RIMBP2: variants seen among roughly 807,000 people sequenced by gnomAD.
The protein encoded by RIMBP2 is RIMS binding protein 2, also known as RIMS-binding protein 2.
RIMBP2 carries 48 observed loss-of-function variants against 118.6 expected under a neutral mutation model. That is an observed-to-expected ratio of 0.40 (90% CI 0.32 to 0.51). The LOEUF (loss-of-function observed/expected upper bound fraction) is 0.51, where lower values mean the gene tolerates loss of function less well. Among genes scored for constraint, RIMBP2 ranks in the 20% least tolerant of loss-of-function variants. RIMBP2 has a pLI of 0.41. For synonymous variants in RIMBP2, 762 were observed against 742.9 expected (o/e 1.03, Z -0.42); for missense variants, 1,551 against 1,768.3 (o/e 0.88, Z 2.20).
chr12:130,526,027 G>A (rs192076565), intron 2 of RIMBP2, among the ~76,000 whole-genome samples: 1 of 152,174 alleles, frequency 6.6e-6, no homozygotes, highest in East Asian at 1.9e-4. Context: ...TCCTGAGGAA[G>A]AGCATCATCC....
chr12:130,463,599 G>A (rs1015061165), intron 6 of RIMBP2, among the ~76,000 whole-genome samples: 2 of 152,110 alleles, frequency 1.3e-5, no homozygotes, highest in African/African-American at 2.4e-5. Context: ...CAAACGGGGT[G>A]GTTCTGAGAG....
Position 130,649,603 on chromosome 12 carries a change from G to T in RIMBP2, c.-351-21147C>A, listed in dbSNP as rs978238394. Among the ~76,000 whole-genome samples the T allele has an allele frequency of 4.5e-4, 69 of 152,202 alleles. 1 individual carries two copies. The highest frequency in any genetic ancestry group is 4.5e-3 in the Admixed American group (69 of 15,290). On this transcript the variant is annotated intron_variant, in intron 1 of 22. Coordinates refer to ENST00000690449, the MANE Select transcript of RIMBP2 (RefSeq NM_001393629.1). The stretch of plus-strand genomic sequence containing the variant: ...CGGCTAGCAGACTCTTCCTTGGAGA[G>T]ACAGCGCGGGCCACATAGGAGACCC...
chr12:130,599,190 A>G (rs1288059303), intron 2 of RIMBP2, among the ~76,000 whole-genome samples: 1 of 152,196 alleles, frequency 6.6e-6, no homozygotes, highest in Admixed American at 6.5e-5. Context: ...TAGATCATCA[A>G]TTTGTGACTT....
At chr12:130,706,889 G>A (rs955134517) in intron 1 of RIMBP2, among the ~76,000 whole-genome samples, 2 of 152,196 alleles carry the variant, frequency 1.3e-5, no homozygotes, top group African/African-American at 4.8e-5. Flanking sequence ...CAGATTGATG[G>A]AGAATGGGCA....
At chr12:130,684,685 T>C (rs760215432) in intron 1 of RIMBP2, among the ~76,000 whole-genome samples, 1 of 152,244 alleles carries the variant, frequency 6.6e-6, no homozygotes, top group Non-Finnish European at 1.5e-5. Context: ...GCTTTAAAGA[T>C]AATAATATCG....
chr12:130,397,618 G>A lies in RIMBP2; in HGVS notation c.3901-69C>T, dbSNP rs1198741315. ...ACAACAGAATTCACTTGGTAACATC[G>A]TACTGTCCCCGTTTCCCACCAGGAA... On this transcript the variant is annotated intron_variant, in intron 22 of 22. Coordinates refer to ENST00000690449, the MANE Select transcript of RIMBP2 (RefSeq NM_001393629.1). 3.3e-5 allele frequency: 13 copies of A among 397,878 alleles called. No homozygotes were observed. In the East Asian group the frequency reaches 3.9e-4, roughly 12 times the overall value. 24.6% of individuals were successfully genotyped at this position (397,878 alleles called of 1,614,324 possible).
At chr12:130,675,106 G>T (rs993072299) in intron 1 of RIMBP2, among the ~76,000 whole-genome samples, 5 of 152,176 alleles carry the variant, frequency 3.3e-5, no homozygotes, top group Non-Finnish European at 7.3e-5. Flanking sequence ...CTACAAAAGG[G>T]CACAGCCGGG....
At chr12:130,585,614 CAA>C (rs60707391) in intron 2 of RIMBP2, among the ~76,000 whole-genome samples, 365 of 122,922 alleles carry the variant, frequency 3.0e-3, no homozygotes, top group Middle Eastern at 8.5e-3. Flanking sequence ...GACCCTGTCT[CAA>C]AAAAAAAAAA....
rs1047001579 is a variant in RIMBP2, at chr12:130,622,735, T to C, written c.-217+5587A>G. Among the ~76,000 whole-genome samples, 1 of 152,208 alleles carries C rather than the reference T, an allele frequency of 6.6e-6. No homozygotes were observed. The highest frequency in any genetic ancestry group is 1.5e-5 in the Non-Finnish European group (1 of 68,042). On this transcript the variant is annotated intron_variant, in intron 2 of 22. Coordinates refer to ENST00000690449, the MANE Select transcript of RIMBP2 (RefSeq NM_001393629.1). This position sits in a 1 kb window ranked among gnomAD's most constrained non-coding sequence, Gnocchi z 8.5. ...GTCTATTTTATTGCCTGTACAACAC[T>C]CTTGGAAATATTGGGCTAGTTGGCA... is the stretch of plus-strand genomic sequence containing the variant.
chr12:130,439,515 A>ATGTGTGGGTG (rs1199536411), intron 11 of RIMBP2, among the ~76,000 whole-genome samples: 2 of 82,332 alleles, frequency 2.4e-5, no homozygotes, highest in Admixed American at 2.6e-4. Flanking sequence ...GTGGGTGGGT[A>ATGTGTGGGTG]TGTGTGGGTG....
chr12:130,692,231 T>A (rs1310627599), intron 1 of RIMBP2, among the ~76,000 whole-genome samples: 2 of 152,100 alleles, frequency 1.3e-5, no homozygotes, highest in Non-Finnish European at 2.9e-5. Flanking sequence ...CCCCCTGAGA[T>A]GGCACCTTCA....
In RIMBP2 at chr12:130,648,028, C is replaced by T. The variant is rs1566425209; in HGVS notation, c.-351-19572G>A. Among the ~76,000 whole-genome samples the T allele has an allele frequency of 3.4e-5, 5 of 145,602 alleles. 1 individual carries two copies. Among genetic ancestry groups the T allele is most frequent in the Admixed American group, 2.7e-4 (4 of 14,610 alleles). ...ACGTGTGCACACACATGTGAACACACGTGTGTACACACCCGCCTCACGTGG... is the reference window on the plus strand; with the variant it reads ...ACGTGTGCACACACATGTGAACACATGTGTGTACACACCCGCCTCACGTGG... On this transcript the variant is annotated intron_variant, in intron 1 of 22. Coordinates refer to ENST00000690449, the MANE Select transcript of RIMBP2 (RefSeq NM_001393629.1).
At chr12:130,569,283 G>A (rs2140025237) in intron 2 of RIMBP2, among the ~76,000 whole-genome samples, 1 of 152,288 alleles carries the variant, frequency 6.6e-6, no homozygotes, top group East Asian at 1.9e-4. Context: ...GAAACATCAG[G>A]AGGCAGCTTC....
chr12:130,448,575 C>G (rs2078735014), intron 9 of RIMBP2, among the ~76,000 whole-genome samples: 1 of 152,260 alleles, frequency 6.6e-6, no homozygotes, highest in South Asian at 2.1e-4. Context: ...CCTGGGCCTG[C>G]TCCACACACA....
At chr12:130,441,582 C>A (rs1055564499) in intron 11 of RIMBP2, among the ~76,000 whole-genome samples, 2 of 152,144 alleles carry the variant, frequency 1.3e-5, no homozygotes, top group African/African-American at 2.4e-5. Flanking sequence ...GGGGGACTCA[C>A]TTCCCTCCTG....
chr12:130,432,299 C>T (rs1434990435), intron 14 of RIMBP2: 1 of 456,554 alleles, frequency 2.2e-6, no homozygotes, highest in Non-Finnish European at 4.4e-6. Context: ...CAAAAATTCT[C>T]AATTCTGTGG....
chr12:130,479,265 G>A (rs1192135361), intron 4 of RIMBP2, among the ~76,000 whole-genome samples: 1 of 152,220 alleles, frequency 6.6e-6, no homozygotes, highest in Non-Finnish European at 1.5e-5. Flanking sequence ...AATGCAGCGA[G>A]CATTTGAGCA....
chr12:130,422,843 G>A lies in RIMBP2; in HGVS notation c.3130-282C>T, dbSNP rs750014594. Among the ~76,000 whole-genome samples the A allele has an allele frequency of 3.3e-5, 5 of 152,106 alleles. No individual in the cohort carries two copies. Among genetic ancestry groups the A allele is most frequent in the Admixed American group, 1.3e-4 (2 of 15,272 alleles). ...GCTGCTGCTGGTGCTGAAGACAAAT[G>A]TTTTGGGACCAAAGAGACAATGGCT... On this transcript the variant is annotated intron_variant, in intron 16 of 22. Coordinates refer to ENST00000690449, the MANE Select transcript of RIMBP2 (RefSeq NM_001393629.1). This position sits in a 1 kb window ranked among gnomAD's most constrained non-coding sequence, Gnocchi z 5.2.
rs564591858 is a variant in RIMBP2 at position 130,460,790 on chromosome 12, C to A, written c.154-4090G>T. Among the ~76,000 whole-genome samples, 3 of 152,250 alleles carry A rather than the reference C, an allele frequency of 2.0e-5. No individual in the cohort carries two copies. The South Asian group carries it at 6.2e-4, about 32-fold the overall frequency. ...CCCCAGGGCCTGGCGCCGGGGACATCCACCGCGTTCTGAGGGGGTGTCGGG... is the reference window on the plus strand; with the variant it reads ...CCCCAGGGCCTGGCGCCGGGGACATACACCGCGTTCTGAGGGGGTGTCGGG... On this transcript the variant is annotated intron_variant, in intron 6 of 22. Coordinates refer to ENST00000690449, the MANE Select transcript of RIMBP2 (RefSeq NM_001393629.1).
Sources: allele counts gnomAD v4.1 joint callset (sites outside exome capture counted in the v4.1 genomes callset), GRCh38; gene constraint gnomAD v4.1.1; non-coding constraint Gnocchi (gnomAD v3.1); transcripts MANE v1.5; gene names NCBI Gene and HGNC (gene_info 2026-07-23, HGNC 2026-07-21).